Variants in KIDINS220 observed in about 807,000 individuals in gnomAD.
KIDINS220 encodes kinase D-interacting substrate of 220 kDa.
A neutral mutation model predicts 157.6 loss-of-function variants in KIDINS220; 63 were observed. The observed-to-expected ratio is 0.40, with a 90% CI of 0.33 to 0.49. KIDINS220 has a LOEUF of 0.49. KIDINS220 is among the 20% of genes least tolerant of loss of function. KIDINS220 has a pLI of 0.66. For missense variants in KIDINS220, 1,772 were observed against 2,171.2 expected, an observed-to-expected ratio of 0.82 and a Z score of 3.65; for synonymous variants, 732 against 783.6, an observed-to-expected ratio of 0.93 and a Z score of 1.10.
chr2:8,733,678 T>C lies in KIDINS220; in HGVS notation c.3819A>G (p.Val1273=), dbSNP rs376288208. 3.4e-5 allele frequency: 52 copies of C among 1,527,886 alleles called. No homozygotes were observed. The highest frequency in any genetic ancestry group is 4.6e-5 in the Non-Finnish European group (52 of 1,132,552). 94.6% of individuals were successfully genotyped at this position (1,527,886 alleles called of 1,614,324 possible). ...FGDWHLFRST[V]LEMRNAESHV... ...GGCTTTCTGCGTTTCTCATTTCTAG[T>C]ACCTTAACAGAAGAAAAACATAAAT... Residue 1273 remains valine, a splice_region_variant and synonymous_variant, in exon 29 of 30, where the codon GTA becomes GTG. Coordinates refer to ENST00000256707, the MANE Select transcript of KIDINS220 (RefSeq NM_020738.4).
chr2:8,788,418 G>A (rs1215308629), intron 15 of KIDINS220, among the ~76,000 whole-genome samples: 9 of 151,954 alleles, frequency 5.9e-5, no homozygotes, highest in Admixed American at 5.2e-4. Context: ...ACAGGCATGC[G>A]CCATGACGCC....
chr2:8,752,757 AT>A (rs1667538035), intron 22 of KIDINS220, among the ~76,000 whole-genome samples: 1 of 152,220 alleles, frequency 6.6e-6, no homozygotes, highest in Non-Finnish European at 1.5e-5. Flanking sequence ...TTTGTTTCCT[AT>A]TGTAAAAGTA....
At chr2:8,801,822 G>A (rs1400617877) in intron 8 of KIDINS220, among the ~76,000 whole-genome samples, 4 of 152,094 alleles carry the variant, frequency 2.6e-5, no homozygotes, top group South Asian at 4.1e-4. Context: ...AAGGAGGATC[G>A]CTTGAGTCTA....
intron 14 of KIDINS220, among the ~76,000 whole-genome samples, chr2:8,789,029 CAG>C (rs922434288): frequency 6.6e-6 from 1 of 152,110 alleles, no homozygotes; most frequent in Non-Finnish European, 1.5e-5. Context: ...ATGCCTTAAA[CAG>C]AAACATAACT....
intron 1 of KIDINS220, among the ~76,000 whole-genome samples, chr2:8,827,510 C>CA (rs1161620411): frequency 6.6e-6 from 1 of 152,188 alleles, no homozygotes; most frequent in Non-Finnish European, 1.5e-5. Flanking sequence ...ACCCTACACT[C>CA]AATCTATTAG....
chr2:8,832,302 TA>T (rs1467025308), intron 1 of KIDINS220, among the ~76,000 whole-genome samples: 1 of 152,232 alleles, frequency 6.6e-6, no homozygotes, highest in Non-Finnish European at 1.5e-5. Context: ...CAGTGTTTAA[TA>T]AATTTCACTG....
chr2:8,794,513 C>G (rs1673640268), intron 11 of KIDINS220, among the ~76,000 whole-genome samples: 1 of 152,220 alleles, frequency 6.6e-6, no homozygotes, highest in East Asian at 1.9e-4. Flanking sequence ...TCTCATCACT[C>G]TACATTCTCC....
chr2:8,731,293 C>T lies in KIDINS220; in HGVS notation c.4743G>A (p.Lys1581=), dbSNP rs755092183. 1 of 1,614,046 alleles carries T rather than the reference C, an allele frequency of 6.2e-7. No homozygotes were observed. The highest frequency in any genetic ancestry group is 8.5e-7 in the Non-Finnish European group (1 of 1,180,014). ...EYLSDALLDK[K]DSSDSGVRSS... Reference sequence around the variant, plus strand: ...ATCTCACTCCTGAATCCGATGAATCCTTTTTGTCAAGGAGCGCATCCGATA... The same window carrying T: ...ATCTCACTCCTGAATCCGATGAATCTTTTTTGTCAAGGAGCGCATCCGATA... The change falls in exon 30 of 30, where the codon AAG becomes AAA. Residue 1581 remains lysine (K), a synonymous_variant. Coordinates refer to ENST00000256707, the MANE Select transcript of KIDINS220 (RefSeq NM_020738.4). This position sits in a 1 kb window ranked among gnomAD's most constrained non-coding sequence, Gnocchi z 5.2.
At chr2:8,748,675 G>C (rs998077633) in intron 24 of KIDINS220, among the ~76,000 whole-genome samples, 1 of 152,174 alleles carries the variant, frequency 6.6e-6, no homozygotes, top group Non-Finnish European at 1.5e-5. Context: ...ATAAGGTTTT[G>C]TTACACTGAG....
chr2:8,788,427 C>T (rs1672711306), intron 15 of KIDINS220, among the ~76,000 whole-genome samples: 1 of 152,036 alleles, frequency 6.6e-6, no homozygotes. Flanking sequence ...CGCCATGACG[C>T]CCCCGCTAAT....
intron 17 of KIDINS220, among the ~76,000 whole-genome samples, chr2:8,781,153 A>ATATATTATATAT (rs70946383): frequency 4.6e-5 from 6 of 130,410 alleles, no homozygotes; most frequent in Non-Finnish European, 8.0e-5. Flanking sequence ...ATATATATAT[A>ATATATTATATAT]ATATATATAT....
At chr2:8,751,882 A>G (rs544547037) in intron 22 of KIDINS220, among the ~76,000 whole-genome samples, 1 of 151,876 alleles carries the variant, frequency 6.6e-6, no homozygotes, top group East Asian at 1.9e-4. Flanking sequence ...TTTTTGTATT[A>G]TTAGTAGAGA....
chr2:8,802,224 G>T (rs1314474281), intron 8 of KIDINS220, among the ~76,000 whole-genome samples: 1 of 152,164 alleles, frequency 6.6e-6, no homozygotes, highest in Non-Finnish European at 1.5e-5. Flanking sequence ...GGAAGTCTTG[G>T]ATGACTTTAA....
In KIDINS220 at chr2:8,744,384, AAAAAATATATATATATAATATATATATAT is replaced by A. The variant is rs1483899552; in HGVS notation, c.3585+2732_3585+2760del. On this transcript the variant is annotated intron_variant, in intron 26 of 29. Transcript: ENST00000256707. Reference sequence around the variant, plus strand: ...ATGGCAAAAAAAAAAAAAAAAAAAAAAAAAATATATATATATAATATATATATATATATATATATATATATATATATATA... The same window carrying A: ...ATGGCAAAAAAAAAAAAAAAAAAAAAATATATATATATATATATATATATA... 2.0e-3 allele frequency among the ~76,000 whole-genome samples: 56 copies of A among 27,914 alleles called. 2 individuals carry two copies. The highest frequency in any genetic ancestry group is 6.2e-3 in the South Asian group (3 of 482). 18.3% of individuals were successfully genotyped at this position (27,914 alleles called of 152,430 possible). A position where few individuals can be genotyped will look rare whatever the true frequency, so the allele number is the denominator to read the frequency against.
At chr2:8,807,935 A>C (rs576984177) in intron 6 of KIDINS220, among the ~76,000 whole-genome samples, 14 of 152,342 alleles carry the variant, frequency 9.2e-5, no homozygotes, top group Admixed American at 3.9e-4. Context: ...CAGCCTGGCC[A>C]ACATGGTGAA....
At chr2:8,808,725 A>G (rs764354225) in intron 6 of KIDINS220, among the ~76,000 whole-genome samples, 1 of 152,178 alleles carries the variant, frequency 6.6e-6, no homozygotes, top group Non-Finnish European at 1.5e-5. Flanking sequence ...CCCTTACTCA[A>G]TAATCTCCTG....
intron 26 of KIDINS220, among the ~76,000 whole-genome samples, chr2:8,743,870 A>T (rs1665973882): frequency 6.6e-6 from 1 of 152,086 alleles, no homozygotes; most frequent in Non-Finnish European, 1.5e-5. Context: ...GAACTTTGAA[A>T]AACACTGTTC....
chr2:8,798,356 CT>C, intron 9 of KIDINS220, 56 bp from the exon 10 acceptor site: 3 of 955,530 alleles, frequency 3.1e-6, no homozygotes, highest in Non-Finnish European at 5.0e-6. Context: ...TTTAAAACTG[CT>C]ACTTATAAAT....
chr2:8,814,422 C>T (rs962032159), intron 4 of KIDINS220, among the ~76,000 whole-genome samples: 6 of 151,762 alleles, frequency 4.0e-5, no homozygotes, highest in Non-Finnish European at 2.9e-5. Context: ...TAAGTCCATA[C>T]TGAAATAGAA....
Sources: allele counts gnomAD v4.1 joint callset (sites outside exome capture counted in the v4.1 genomes callset), GRCh38; gene constraint gnomAD v4.1.1; non-coding constraint Gnocchi (gnomAD v3.1); transcripts MANE v1.5; gene names NCBI Gene and HGNC (gene_info 2026-07-23, HGNC 2026-07-21).